The following PDE4D variants were observed in gnomAD, a reference collection of about 807,000 sequenced individuals.
The protein encoded by PDE4D is 3',5'-cyclic-AMP phosphodiesterase 4D.
A neutral mutation model predicts 87.4 loss-of-function variants in PDE4D; 24 were observed. The ratio of observed to expected loss-of-function variants is 0.27; its 90% CI spans 0.20 to 0.39. The LOEUF (loss-of-function observed/expected upper bound fraction) is 0.39, where lower values mean the gene tolerates loss of function less well. Among genes scored for constraint, PDE4D ranks in the 10% least tolerant of loss-of-function variants. The pLI is 1.00. For synonymous variants in PDE4D, 384 were observed against 383.2 expected (o/e 1.00, Z -0.02); for missense variants, 714 against 1,041.0 (o/e 0.69, Z 4.32).
chr5:59,277,307 T>C (rs1285662139), intron 1 of PDE4D, among the ~76,000 whole-genome samples: 2 of 152,180 alleles, frequency 1.3e-5, no homozygotes, highest in African/African-American at 4.8e-5. Context: ...AATAAATTGC[T>C]TTCCACATAG....
At chr5:59,881,905 T>A (rs1380360761) in intron 1 of PDE4D, among the ~76,000 whole-genome samples, 2 of 152,070 alleles carry the variant, frequency 1.3e-5, no homozygotes, top group Admixed American at 6.6e-5. Context: ...AGATCTGAAG[T>A]ATGAGTAGGT....
intron 2 of PDE4D, among the ~76,000 whole-genome samples, chr5:60,021,029 A>C (rs1766014270): frequency 6.6e-6 from 1 of 152,172 alleles, no homozygotes; most frequent in African/African-American, 2.4e-5. Context: ...TTTATATGAC[A>C]ATTTGGAGAT....
intron 11 of PDE4D, among the ~76,000 whole-genome samples, chr5:58,982,242 A>T (rs1378407612): frequency 6.6e-6 from 1 of 152,146 alleles, no homozygotes; most frequent in East Asian, 1.9e-4. Flanking sequence ...CACATATTGG[A>T]TGCTGATTCA....
chr5:59,584,887 C>T (rs914246711), intron 1 of PDE4D, among the ~76,000 whole-genome samples: 1 of 152,162 alleles, frequency 6.6e-6, no homozygotes, highest in African/African-American at 2.4e-5. Context: ...CAAATGCCTA[C>T]TACGTGCCAG....
At chr5:59,509,152 A>C (rs1318301807) in intron 1 of PDE4D, among the ~76,000 whole-genome samples, 4 of 152,002 alleles carry the variant, frequency 2.6e-5, no homozygotes. Flanking sequence ...AACAAAGATA[A>C]AAATAAGAAT....
intron 1 of PDE4D, among the ~76,000 whole-genome samples, chr5:59,644,810 G>A (rs950656488): frequency 6.6e-6 from 1 of 152,148 alleles, no homozygotes; most frequent in African/African-American, 2.4e-5. Context: ...AGCACATTCT[G>A]TTCAGTGAAT....
intron 1 of PDE4D, among the ~76,000 whole-genome samples, chr5:59,285,631 T>A (rs538164089): frequency 1.4e-4 from 21 of 152,184 alleles, no homozygotes; most frequent in African/African-American, 3.9e-4. Flanking sequence ...AAGCGAAAAA[T>A]TTTTTGTTAA....
intron 1 of PDE4D, among the ~76,000 whole-genome samples, chr5:59,243,394 A>C (rs1758071904): frequency 6.6e-6 from 1 of 150,958 alleles, no homozygotes; most frequent in Non-Finnish European, 1.5e-5. Context: ...TAAATATATA[A>C]ATGTTTTCCC....
chr5:59,449,087 T>C (rs1048572266), intron 1 of PDE4D, among the ~76,000 whole-genome samples: 1 of 152,210 alleles, frequency 6.6e-6, no homozygotes, highest in African/African-American at 2.4e-5. Flanking sequence ...AGAACAATGC[T>C]TTTGATGCAT....
At chr5:59,595,826 C>A (rs1006847203) in intron 1 of PDE4D, among the ~76,000 whole-genome samples, 1 of 151,862 alleles carries the variant, frequency 6.6e-6, no homozygotes, top group African/African-American at 2.4e-5. Context: ...AGTAGTATAT[C>A]GCTGCATATA....
chr5:60,509,287 C>G (rs1316523158), intron 1 of PDE4D, among the ~76,000 whole-genome samples: 1 of 152,110 alleles, frequency 6.6e-6, no homozygotes, highest in Non-Finnish European at 1.5e-5. Flanking sequence ...TGGAAAGGAC[C>G]CTCGCTTACA....
At chr5:59,792,818 A>G (rs1363418318) in intron 1 of PDE4D, among the ~76,000 whole-genome samples, 1 of 152,222 alleles carries the variant, frequency 6.6e-6, no homozygotes, top group Non-Finnish European at 1.5e-5. Flanking sequence ...GGCTTAGGGT[A>G]GAAGAGACAG....
chr5:59,552,089 G>A (rs1818215398), intron 1 of PDE4D, among the ~76,000 whole-genome samples: 1 of 152,076 alleles, frequency 6.6e-6, no homozygotes, highest in Non-Finnish European at 1.5e-5. Flanking sequence ...GGTGGTGGTG[G>A]ATGTCTGTAG....
chr5:60,278,493 C>G (rs1751583423), intron 1 of PDE4D, among the ~76,000 whole-genome samples: 1 of 152,092 alleles, frequency 6.6e-6, no homozygotes, highest in South Asian at 2.1e-4. Context: ...TCCCATCCCT[C>G]TTTCTCGTCT....
chr5:60,441,476 T>C (rs1036811302), intron 1 of PDE4D, among the ~76,000 whole-genome samples: 2 of 152,018 alleles, frequency 1.3e-5, no homozygotes, highest in Non-Finnish European at 1.5e-5. Flanking sequence ...CCTAAAACCA[T>C]AAAAAGCCTA....
At chr5:59,033,682 G>C (rs1757994743) in intron 6 of PDE4D, among the ~76,000 whole-genome samples, 1 of 152,068 alleles carries the variant, frequency 6.6e-6, no homozygotes, top group Admixed American at 6.5e-5. Context: ...ATACCAGTTT[G>C]TTTAATCTAC....
intron 11 of PDE4D, 25 bp from the exon 12 acceptor site, chr5:58,977,370 G>C (rs1310463439): frequency 6.3e-7 from 1 of 1,590,132 alleles, no homozygotes; most frequent in Admixed American, 1.9e-5. Flanking sequence ...AAAGGCCAAA[G>C]ATCAGCAAAA....
At chr5:59,836,346 T>C (rs1482793715) in intron 1 of PDE4D, among the ~76,000 whole-genome samples, 1 of 152,090 alleles carries the variant, frequency 6.6e-6, no homozygotes, top group East Asian at 1.9e-4. Context: ...CAAATATGTA[T>C]TTCTTTGGAG....
At chr5:59,423,139 C>T (rs774113968) in intron 1 of PDE4D, among the ~76,000 whole-genome samples, 1 of 152,148 alleles carries the variant, frequency 6.6e-6, no homozygotes. Context: ...CCTCATTACA[C>T]TTCAGACACC....
Sources: allele counts gnomAD v4.1 joint callset (sites outside exome capture counted in the v4.1 genomes callset), GRCh38; gene constraint gnomAD v4.1.1; transcripts MANE v1.5; gene names NCBI Gene and HGNC (gene_info 2026-07-23, HGNC 2026-07-21).